AGBL1: variants seen among roughly 807,000 people sequenced by gnomAD.
AGBL1 encodes the protein cytosolic carboxypeptidase 4.
In AGBL1, 130 loss-of-function variants were observed where a neutral mutation model predicts 118.9. That is an observed-to-expected ratio of 1.09 (90% CI 0.95 to 1.26). The LOEUF is 1.26. Ranked by LOEUF, AGBL1 falls within the 50% of genes most tolerant of loss-of-function variation. AGBL1 has a pLI of 0.00. For synonymous variants in AGBL1, 555 were observed against 478.9 expected, an observed-to-expected ratio of 1.16 and a Z score of -2.08; for missense variants, 1,584 against 1,298.1, an observed-to-expected ratio of 1.22 and a Z score of -3.38.
At chr15:86,404,801 AT>A (rs2081499564) in intron 18 of AGBL1, among the ~76,000 whole-genome samples, 1 of 152,214 alleles carries the variant, frequency 6.6e-6, no homozygotes, top group Non-Finnish European at 1.5e-5. Context: ...CATGTTCACT[AT>A]AAGCCATGCT....
chr15:86,120,289 T>A (rs1172700952), intron 1 of AGBL1, among the ~76,000 whole-genome samples: 1 of 152,190 alleles, frequency 6.6e-6, no homozygotes, highest in Non-Finnish European at 1.5e-5. Flanking sequence ...CTCCCCAGCC[T>A]TGTCTTTGCA....
chr15:86,315,852 C>T (rs996392797), intron 17 of AGBL1, among the ~76,000 whole-genome samples: 2 of 152,042 alleles, frequency 1.3e-5, no homozygotes, highest in Non-Finnish European at 1.5e-5. Flanking sequence ...CAAAGTGGCA[C>T]TGGTCAAAGG....
rs898550624 is a variant in AGBL1, at chr15:86,242,484, C to T, written c.527-5187C>T. Among the ~76,000 whole-genome samples, 46 of 152,270 alleles carry T rather than the reference C, an allele frequency of 3.0e-4. 1 individual carries two copies. Among genetic ancestry groups the T allele is most frequent in the Non-Finnish European group, 1.8e-4 (12 of 68,034 alleles). ...AGCTGTAAAGTAACATGCTCAAAGT[C>T]GCACAGCTAGAAAGTGGTGGAGCTT... On this transcript the variant is annotated intron_variant, in intron 6 of 22. Coordinates refer to ENST00000614907, the MANE Select transcript of AGBL1 (RefSeq NM_001386094.1).
At chr15:86,547,731 G>A (rs1684216095) in intron 20 of AGBL1, among the ~76,000 whole-genome samples, 3 of 152,188 alleles carry the variant, frequency 2.0e-5, no homozygotes, top group African/African-American at 7.2e-5. Context: ...TCACCTATAA[G>A]GTTCTTTAAC....
intron 20 of AGBL1, among the ~76,000 whole-genome samples, chr15:86,551,326 A>G (rs1375717031): frequency 6.6e-6 from 1 of 152,156 alleles, no homozygotes; most frequent in African/African-American, 2.4e-5. Flanking sequence ...AAAACGGTCA[A>G]CAAAATGATC....
At chr15:86,976,057 C>T (rs537788037) in intron 23 of AGBL1, among the ~76,000 whole-genome samples, 2 of 151,846 alleles carry the variant, frequency 1.3e-5, no homozygotes, top group South Asian at 2.1e-4. Context: ...ATGTTGGTTA[C>T]ACATATTCAT....
At chr15:86,744,642 G>C (rs931273116) in intron 22 of AGBL1, among the ~76,000 whole-genome samples, 1 of 152,066 alleles carries the variant, frequency 6.6e-6, no homozygotes, top group South Asian at 2.1e-4. Context: ...CCAGAGGGGG[G>C]GAGGAGTTAA....
At chr15:86,346,219 G>C (rs1595995849) in intron 17 of AGBL1, among the ~76,000 whole-genome samples, 1 of 152,204 alleles carries the variant, frequency 6.6e-6, no homozygotes, top group Admixed American at 6.5e-5. Context: ...CTGACCTTGT[G>C]ATCTGCCCAT....
intron 22 of AGBL1, among the ~76,000 whole-genome samples, chr15:86,848,467 C>T (rs1353266438): frequency 6.6e-6 from 1 of 152,132 alleles, no homozygotes; most frequent in Non-Finnish European, 1.5e-5. Flanking sequence ...AAATTCTCTG[C>T]TCATTTCTGT....
At chr15:86,636,491 A>G (rs1325189890) in intron 21 of AGBL1, among the ~76,000 whole-genome samples, 1 of 34,444 alleles carries the variant, frequency 2.9e-5, no homozygotes, top group Non-Finnish European at 7.0e-5. Context: ...ATTCATCAAG[A>G]TAGTTTTTTT....
At chr15:87,010,013 G>T (rs927579807) in intron 24 of AGBL1, among the ~76,000 whole-genome samples, 4 of 152,178 alleles carry the variant, frequency 2.6e-5, no homozygotes, top group African/African-American at 9.7e-5. Context: ...ATGCTGAAAT[G>T]AGTTAAGATT....
chr15:86,229,024 T>C (rs981726144), intron 6 of AGBL1, among the ~76,000 whole-genome samples: 2 of 152,208 alleles, frequency 1.3e-5, no homozygotes. Flanking sequence ...CCACCCTAAA[T>C]TGTCCTGTAT....
At chr15:86,361,239 AT>A (rs2080800621) in intron 17 of AGBL1, among the ~76,000 whole-genome samples, 1 of 151,928 alleles carries the variant, frequency 6.6e-6, no homozygotes, top group Admixed American at 6.6e-5. Context: ...ATGTTGTTTA[AT>A]TTCCATATAT....
chr15:86,619,919 C>G (rs2084780746), intron 21 of AGBL1, among the ~76,000 whole-genome samples: 1 of 152,212 alleles, frequency 6.6e-6, no homozygotes, highest in African/African-American at 2.4e-5. Flanking sequence ...AGAGTCTACT[C>G]CTGGATATTC....
chr15:86,361,514 A>G lies in AGBL1; in HGVS notation c.2375-35852A>G, dbSNP rs373302983. The stretch of plus-strand genomic sequence containing the variant: ...CTTTTTCCTTACTGATATTCTGTTT[A>G]GAAGATATATCCCTTATAGAGAATG... On this transcript the variant is annotated intron_variant, in intron 17 of 22. Transcript: ENST00000614907. 1.8e-3 allele frequency among the ~76,000 whole-genome samples: 277 copies of G among 152,214 alleles called. 1 individual carries two copies. The highest frequency in any genetic ancestry group is 6.2e-3 in the African/African-American group (259 of 41,576).
intron 24 of AGBL1, among the ~76,000 whole-genome samples, chr15:87,005,945 T>C (rs2081495933): frequency 6.6e-6 from 1 of 152,206 alleles, no homozygotes; most frequent in African/African-American, 2.4e-5. Context: ...CTGTTGGAGT[T>C]TGCTGGAGGT....
chr15:86,102,340 C>T (rs544484239), intron 1 of AGBL1, among the ~76,000 whole-genome samples: 2 of 152,216 alleles, frequency 1.3e-5, no homozygotes, highest in South Asian at 2.1e-4. Context: ...CGTACCAGGG[C>T]TCCTTTCTCT....
In AGBL1 at chr15:86,256,978, C is replaced by T. The variant is rs1353578; in HGVS notation, c.861C>T (p.Pro287=). The T allele has an allele frequency of 0.58, 928,176 of 1,613,176 alleles. 273,868 individuals carry two copies. Among genetic ancestry groups the T allele is most frequent in the African/African-American group, 0.76 (56,664 of 74,950 alleles). The change falls in exon 8 of 23, where the codon CCC becomes CCT. Residue 287 remains proline (P), a synonymous_variant. Transcript: ENST00000614907. ...GCAGTGCCTATGCCTTCCCGGTCCC[C>T]GGGTGCATCACCACTGAACCTCCAC... ...TASSAYAFPV[P]GCITTEPPHD...
intron 5 of AGBL1, among the ~76,000 whole-genome samples, chr15:86,192,354 A>T (rs914596061): frequency 1.2e-4 from 18 of 150,730 alleles, no homozygotes; most frequent in African/African-American, 4.4e-4. Flanking sequence ...GTTTTCAATA[A>T]TATATAGTGA....
Sources: allele counts gnomAD v4.1 joint callset (sites outside exome capture counted in the v4.1 genomes callset), GRCh38; gene constraint gnomAD v4.1.1; transcripts MANE v1.5; gene names NCBI Gene and HGNC (gene_info 2026-07-23, HGNC 2026-07-21).